Variants in POU6F2 observed in about 807,000 individuals in gnomAD.
POU6F2 encodes POU class 6 homeobox 2, also known as POU domain, class 6, transcription factor 2.
POU6F2 carries 31 observed loss-of-function variants against 71.3 expected under a neutral mutation model. The ratio of observed to expected loss-of-function variants is 0.43; its 90% confidence interval spans 0.33 to 0.59. The LOEUF is 0.59. Among genes scored for constraint, POU6F2 ranks in the 20% least tolerant of loss-of-function variants. The pLI is 0.04. For synonymous variants in POU6F2, 347 were observed against 355.7 expected (o/e 0.98, Z 0.27); for missense variants, 783 against 856.8 (o/e 0.91, Z 1.07).
intron 1 of POU6F2, among the ~76,000 whole-genome samples, chr7:39,016,246 C>T (rs1320141480): frequency 6.9e-6 from 1 of 144,490 alleles, no homozygotes; most frequent in East Asian, 2.0e-4. Flanking sequence ...TACTGATTAT[C>T]TATATAGAAA....
chr7:39,124,673 G>T (rs376185969), intron 2 of POU6F2, among the ~76,000 whole-genome samples: 112 of 152,180 alleles, frequency 7.4e-4, no homozygotes, highest in Middle Eastern at 3.4e-3. Flanking sequence ...AAAACCCACC[G>T]GTGAAGACTG....
At chr7:39,392,537 C>T (rs1168552518) in intron 5 of POU6F2, among the ~76,000 whole-genome samples, 8 of 152,296 alleles carry the variant, frequency 5.3e-5, no homozygotes, top group Admixed American at 5.2e-4. Flanking sequence ...TTTCTCCCAT[C>T]CTTGGAGCAA....
chr7:39,382,821 CAAACACCCCAG>C (rs1786856043), intron 5 of POU6F2, among the ~76,000 whole-genome samples: 1 of 152,122 alleles, frequency 6.6e-6, no homozygotes, highest in Non-Finnish European at 1.5e-5. Context: ...TGGAGATCCT[CAAACACCCCAG>C]AAACAGGACT....
chr7:39,253,751 G>T (rs1320152651), intron 4 of POU6F2, among the ~76,000 whole-genome samples: 1 of 152,100 alleles, frequency 6.6e-6, no homozygotes, highest in Non-Finnish European at 1.5e-5. Context: ...GCTGAAATTG[G>T]GGCACTGCAA....
chr7:39,429,353 C>T (rs1471674666), intron 6 of POU6F2, among the ~76,000 whole-genome samples: 7 of 152,202 alleles, frequency 4.6e-5, no homozygotes, highest in African/African-American at 1.2e-4. Flanking sequence ...CCCCACCTTT[C>T]TTCCTCGGAA....
intron 4 of POU6F2, among the ~76,000 whole-genome samples, chr7:39,233,135 G>C (rs1354782797): frequency 2.0e-5 from 3 of 152,126 alleles, no homozygotes; most frequent in Non-Finnish European, 4.4e-5. Flanking sequence ...AGGTATACCA[G>C]TTGTCTGGAA....
At chr7:39,451,287 A>C (rs1788652343) in intron 7 of POU6F2, among the ~76,000 whole-genome samples, 1 of 151,944 alleles carries the variant, frequency 6.6e-6, no homozygotes, top group South Asian at 2.1e-4. Context: ...GTGCTCTAAC[A>C]AGCCAAGTAG....
intron 2 of POU6F2, among the ~76,000 whole-genome samples, chr7:39,163,313 A>G (rs567256962): frequency 7.9e-5 from 12 of 152,218 alleles, no homozygotes; most frequent in Non-Finnish European, 1.3e-4. Flanking sequence ...GAAGCTGTCT[A>G]TTGTAGCTAT....
chr7:39,366,311 G>A (rs1786500066), intron 5 of POU6F2, among the ~76,000 whole-genome samples: 2 of 152,096 alleles, frequency 1.3e-5, no homozygotes, highest in African/African-American at 4.8e-5. Flanking sequence ...GGAGAGAAGG[G>A]CAAAGAACTG....
At chr7:38,992,183 T>C (rs1788620960) in intron 1 of POU6F2, among the ~76,000 whole-genome samples, 1 of 152,198 alleles carries the variant, frequency 6.6e-6, no homozygotes, top group African/African-American at 2.4e-5. Context: ...TATACCTCAG[T>C]AGAATGCTCG....
intron 4 of POU6F2, among the ~76,000 whole-genome samples, chr7:39,331,809 C>A (rs1406771211): frequency 6.6e-6 from 1 of 152,218 alleles, no homozygotes; most frequent in Non-Finnish European, 1.5e-5. Flanking sequence ...CCGCGCCCGG[C>A]CTCGCTGTGG....
chr7:39,366,138 A>G (rs541216995), intron 5 of POU6F2, among the ~76,000 whole-genome samples: 302 of 152,302 alleles, frequency 2.0e-3, no homozygotes, highest in African/African-American at 7.1e-3. Flanking sequence ...TTGTTTCACC[A>G]TTGGAGTTTG....
intron 8 of POU6F2, among the ~76,000 whole-genome samples, chr7:39,454,329 T>C (rs1788733034): frequency 1.3e-5 from 2 of 152,044 alleles, no homozygotes; most frequent in Admixed American, 1.3e-4. Flanking sequence ...CATGTAGACA[T>C]GATTGATTAT....
At chr7:39,283,618 A>G (rs942714086) in intron 4 of POU6F2, among the ~76,000 whole-genome samples, 1 of 152,206 alleles carries the variant, frequency 6.6e-6, no homozygotes, top group Admixed American at 6.5e-5. Context: ...TTTAAGACTA[A>G]TAATATTCCA....
At chr7:39,408,420 A>G (rs1489833564) in intron 6 of POU6F2, among the ~76,000 whole-genome samples, 1 of 152,248 alleles carries the variant, frequency 6.6e-6, no homozygotes, top group Non-Finnish European at 1.5e-5. Context: ...TACTTTGCCA[A>G]TTAGATATTC....
chr7:39,351,611 T>A (rs1227382895), intron 5 of POU6F2, among the ~76,000 whole-genome samples: 1 of 152,220 alleles, frequency 6.6e-6, no homozygotes, highest in Non-Finnish European at 1.5e-5. Flanking sequence ...CTTTTCAAAC[T>A]TTTATTTGCA....
chr7:39,367,725 A>G (rs1284604202), intron 5 of POU6F2, among the ~76,000 whole-genome samples: 2 of 152,126 alleles, frequency 1.3e-5, no homozygotes, highest in Non-Finnish European at 2.9e-5. Flanking sequence ...GGTTTGTGGC[A>G]ACCCTGCATC....
In POU6F2 at chr7:39,090,808, G is replaced by T. The variant is rs533058751; in HGVS notation, c.277+4777G>T. 4.6e-5 allele frequency among the ~76,000 whole-genome samples: 7 copies of T among 152,180 alleles called. No individual in the cohort carries two copies. In the South Asian group the frequency reaches 1.5e-3, roughly 32 times the overall value. On this transcript the variant is annotated intron_variant, in intron 2 of 9. Transcript: ENST00000518318. ...AAATCAACTAAATAATTTGGTAATA[G>T]ATTTATGCAAAAACTGTTATTTAAA...
intron 2 of POU6F2, among the ~76,000 whole-genome samples, chr7:39,140,519 T>C (rs1584563573): frequency 6.6e-6 from 1 of 152,226 alleles, no homozygotes; most frequent in Non-Finnish European, 1.5e-5. Flanking sequence ...TTTCAGTTTC[T>C]GGTGGCTGCT....
Sources: gnomAD v4.1 joint callset for allele counts (sites outside exome capture counted in the v4.1 genomes callset) on GRCh38, gnomAD v4.1.1 for gene constraint, MANE v1.5 for transcripts, NCBI Gene and HGNC (gene_info 2026-07-23, HGNC 2026-07-21) for gene names.